PLXDC2: variants seen among roughly 807,000 people sequenced by gnomAD.
PLXDC2 encodes plexin domain containing 2, also known as plexin domain-containing protein 2.
A neutral mutation model predicts 68.9 loss-of-function variants in PLXDC2; 40 were observed. The ratio of observed to expected loss-of-function variants is 0.58; its 90% CI spans 0.45 to 0.76. The LOEUF (loss-of-function observed/expected upper bound fraction) is 0.76. Among genes scored for constraint, PLXDC2 ranks in the 30% least tolerant of loss-of-function variants. PLXDC2 has a pLI of 0.00. For synonymous variants in PLXDC2, 243 were observed against 234.2 expected, an observed-to-expected ratio of 1.04 and a Z score of -0.34; for missense variants, 644 against 661.9, an observed-to-expected ratio of 0.97 and a Z score of 0.30.
At chr10:20,262,611 C>T (rs113453237) in intron 13 of PLXDC2, among the ~76,000 whole-genome samples, 4,415 of 152,322 alleles carry the variant, frequency 0.029, 96 homozygotes, top group Non-Finnish European at 0.045. Flanking sequence ...TCTACCAAAA[C>T]GAAGGCCAGA....
chr10:20,079,136 A>G (rs1410788569), intron 4 of PLXDC2, among the ~76,000 whole-genome samples: 1 of 152,176 alleles, frequency 6.6e-6, no homozygotes, highest in African/African-American at 2.4e-5. Flanking sequence ...GAAATATTAC[A>G]AGGAACTTAA....
In PLXDC2 at chr10:20,123,200, C is replaced by T. The variant is rs569864989; in HGVS notation, c.542-20095C>T. ...GCTGAGGAAGAATTGGGACCTAGCT[C>T]GGCCTGGCGAGGAGCAGCCTGGGGA... is the stretch of plus-strand genomic sequence containing the variant. On this transcript the variant is annotated intron_variant, in intron 4 of 13. Transcript: ENST00000377252. 5.2e-3 allele frequency among the ~76,000 whole-genome samples: 790 copies of T among 151,986 alleles called. 2 individuals are homozygous for T. The highest frequency in any genetic ancestry group is 7.7e-3 in the Non-Finnish European group (522 of 67,950).
intron 1 of PLXDC2, among the ~76,000 whole-genome samples, chr10:19,930,437 C>T (rs976600585): frequency 5.9e-5 from 9 of 152,224 alleles, no homozygotes; most frequent in African/African-American, 2.2e-4. Context: ...TATTTGCTGA[C>T]TTAAAGGATA....
At chr10:20,242,617 C>T (rs1471251479) in intron 12 of PLXDC2, among the ~76,000 whole-genome samples, 5 of 152,152 alleles carry the variant, frequency 3.3e-5, no homozygotes, top group Non-Finnish European at 7.3e-5. Context: ...TTTCCTCCTC[C>T]CTTCTCACCA....
chr10:20,036,216 A>C (rs987506686), intron 2 of PLXDC2, among the ~76,000 whole-genome samples: 13 of 152,152 alleles, frequency 8.5e-5, no homozygotes, highest in Non-Finnish European at 1.2e-4. Context: ...TTTGGAATCA[A>C]GGCCTTTAGG....
intron 1 of PLXDC2, among the ~76,000 whole-genome samples, chr10:19,934,178 G>A (rs1455204663): frequency 1.3e-5 from 2 of 152,150 alleles, no homozygotes; most frequent in African/African-American, 2.4e-5. Context: ...TGATTTACTT[G>A]CATTACACAA....
intron 7 of PLXDC2, among the ~76,000 whole-genome samples, chr10:20,169,019 A>G (rs2131819112): frequency 6.6e-6 from 1 of 152,244 alleles, no homozygotes; most frequent in South Asian, 2.1e-4. Flanking sequence ...ACTGTTAAAT[A>G]TCTGTCTAAA....
At chr10:20,176,928 C>A in intron 7 of PLXDC2, 71 bp from the exon 8 acceptor site, 1 of 1,099,996 alleles carries the variant, frequency 9.1e-7, no homozygotes, top group Non-Finnish European at 1.3e-6. Flanking sequence ...ATTCTATATC[C>A]ATTATTAAAA....
At chr10:20,120,173 GT>G (rs920661724) in intron 4 of PLXDC2, among the ~76,000 whole-genome samples, 155 of 152,250 alleles carry the variant, frequency 1.0e-3, no homozygotes, top group African/African-American at 3.5e-3. Context: ...GGGATGACAA[GT>G]TTTTTGGGGG....
chr10:20,086,757 T>C (rs1376852428), intron 4 of PLXDC2, among the ~76,000 whole-genome samples: 1 of 152,080 alleles, frequency 6.6e-6, no homozygotes, highest in East Asian at 1.9e-4. Flanking sequence ...AATCACCCAT[T>C]CTTGAAGTGA....
At chr10:19,889,022 A>G (rs969150270) in intron 1 of PLXDC2, among the ~76,000 whole-genome samples, 1 of 151,942 alleles carries the variant, frequency 6.6e-6, no homozygotes. Context: ...TTAATCTTGC[A>G]GAGGGTAGTA....
intron 1 of PLXDC2, among the ~76,000 whole-genome samples, chr10:19,857,603 A>G (rs141037987): frequency 6.6e-6 from 1 of 152,238 alleles, no homozygotes; most frequent in African/African-American, 2.4e-5. Context: ...TCTTTTTCCA[A>G]TTTGTAAAGT....
intron 1 of PLXDC2, among the ~76,000 whole-genome samples, chr10:19,980,597 G>C (rs575565782): frequency 6.6e-6 from 1 of 152,284 alleles, no homozygotes; most frequent in East Asian, 1.9e-4. Flanking sequence ...CTATGGAAAT[G>C]ATACAGCAAG....
chr10:20,064,264 A>C (rs1836157181), intron 3 of PLXDC2, among the ~76,000 whole-genome samples: 1 of 148,534 alleles, frequency 6.7e-6, no homozygotes, highest in Non-Finnish European at 1.5e-5. Context: ...TCTGTCACCC[A>C]GGCTGGAGTG....
intron 1 of PLXDC2, among the ~76,000 whole-genome samples, chr10:19,848,264 G>C (rs1176915210): frequency 6.6e-6 from 1 of 152,194 alleles, no homozygotes; most frequent in Non-Finnish European, 1.5e-5. Context: ...AGCGTTCTCT[G>C]CTTTTCCTTA....
At chr10:20,261,796 G>A (rs1835811771) in intron 13 of PLXDC2, among the ~76,000 whole-genome samples, 1 of 152,182 alleles carries the variant, frequency 6.6e-6, no homozygotes, top group South Asian at 2.1e-4. Flanking sequence ...GGAGGTTGCG[G>A]TGAGCCAAGA....
chr10:20,075,247 G>A (rs1754186064), intron 4 of PLXDC2, among the ~76,000 whole-genome samples: 1 of 152,130 alleles, frequency 6.6e-6, no homozygotes, highest in African/African-American at 2.4e-5. Context: ...GGAGTGCAGT[G>A]GCACAATCAC....
chr10:19,876,624 AAG>A (rs1200115188), intron 1 of PLXDC2, among the ~76,000 whole-genome samples: 31 of 139,068 alleles, frequency 2.2e-4, no homozygotes, highest in East Asian at 4.4e-4. Flanking sequence ...AAAAAAAAAA[AAG>A]AGAGAGAGAG....
At chr10:20,078,568 G>C (rs1836492799) in intron 4 of PLXDC2, among the ~76,000 whole-genome samples, 1 of 152,186 alleles carries the variant, frequency 6.6e-6, no homozygotes, top group East Asian at 1.9e-4. Flanking sequence ...AATATTGTAA[G>C]TGTATTGTGA....
Sources: allele counts gnomAD v4.1 joint callset (sites outside exome capture counted in the v4.1 genomes callset), GRCh38; gene constraint gnomAD v4.1.1; transcripts MANE v1.5; gene names NCBI Gene and HGNC (gene_info 2026-07-23, HGNC 2026-07-21).